The following COL19A1 variants were observed in gnomAD, a reference collection of about 807,000 sequenced individuals.
COL19A1 encodes collagen type XIX alpha 1 chain.
In COL19A1, 159 loss-of-function variants were observed where a neutral mutation model predicts 190.2. The ratio of observed to expected loss-of-function variants is 0.84; its 90% confidence interval spans 0.73 to 0.95. COL19A1 has a LOEUF of 0.95. Among genes scored for constraint, COL19A1 ranks in the 40% least tolerant of loss-of-function variants. The pLI, the probability that COL19A1 is intolerant of heterozygous loss-of-function variation, is 0.00. For synonymous variants in COL19A1, 509 were observed against 458.9 expected, an observed-to-expected ratio of 1.11 and a Z score of -1.39; for missense variants, 1,418 against 1,431.9, an observed-to-expected ratio of 0.99 and a Z score of 0.16.
intron 15 of COL19A1, among the ~76,000 whole-genome samples, chr6:70,078,578 G>T (rs1782034368): frequency 6.6e-6 from 1 of 152,040 alleles, no homozygotes; most frequent in African/African-American, 2.4e-5. Flanking sequence ...GTAGACTAAG[G>T]TAACCCTCCA....
intron 15 of COL19A1, among the ~76,000 whole-genome samples, chr6:70,099,793 C>A (rs1783512134): frequency 1.3e-5 from 2 of 152,164 alleles, no homozygotes; most frequent in South Asian, 2.1e-4. Flanking sequence ...ACTTAGCAAC[C>A]CCCAAAAATA....
intron 7 of COL19A1, among the ~76,000 whole-genome samples, chr6:69,935,063 T>C (rs1359943240): frequency 2.0e-5 from 3 of 152,036 alleles, no homozygotes; most frequent in Admixed American, 6.6e-5. Flanking sequence ...ATAAAGATGC[T>C]TCTTTGTTTC....
intron 14 of COL19A1, among the ~76,000 whole-genome samples, chr6:70,052,357 T>A (rs1780253594): frequency 6.6e-6 from 1 of 152,126 alleles, no homozygotes; most frequent in Non-Finnish European, 1.5e-5. Flanking sequence ...ACTCACAAGA[T>A]AAATAGAAAT....
At chr6:69,992,489 A>C (rs570120931) in intron 11 of COL19A1, among the ~76,000 whole-genome samples, 65 of 152,292 alleles carry the variant, frequency 4.3e-4, no homozygotes, top group African/African-American at 1.5e-3. Flanking sequence ...AAAAGAAAAA[A>C]AAATGTTGTT....
At chr6:69,880,084 A>G (rs1029980128) in intron 2 of COL19A1, among the ~76,000 whole-genome samples, 1 of 152,260 alleles carries the variant, frequency 6.6e-6, no homozygotes, top group African/African-American at 2.4e-5. Flanking sequence ...AAGGAAATGT[A>G]GTTTAATTAT....
chr6:70,192,273 A>C (rs1422112166), intron 48 of COL19A1, among the ~76,000 whole-genome samples: 1 of 152,064 alleles, frequency 6.6e-6, no homozygotes, highest in Admixed American at 6.6e-5. Context: ...GTTGGCAAAA[A>C]ATGTTTTTTT....
intron 17 of COL19A1, among the ~76,000 whole-genome samples, chr6:70,129,833 G>C (rs138197428): frequency 7.3e-4 from 111 of 152,372 alleles, no homozygotes; most frequent in Admixed American, 2.2e-3. Flanking sequence ...AGAATAGGGA[G>C]AGCAGATCAG....
At chr6:69,913,296 G>GTATT (rs1771083907) in intron 4 of COL19A1, among the ~76,000 whole-genome samples, 1 of 152,016 alleles carries the variant, frequency 6.6e-6, no homozygotes, top group South Asian at 2.1e-4. Flanking sequence ...TACTAACAAA[G>GTATT]TATTTCATTC....
chr6:70,162,318 G>GA (rs3840405), intron 35 of COL19A1, among the ~76,000 whole-genome samples: 99,303 of 151,644 alleles, frequency 0.65, 32,860 homozygotes, highest in African/African-American at 0.73. Flanking sequence ...TTTTCTAAAG[G>GA]AAAAAAAAGT....
chr6:69,942,325 G>A (rs1183282485), intron 9 of COL19A1, among the ~76,000 whole-genome samples: 2 of 152,016 alleles, frequency 1.3e-5, no homozygotes, highest in Non-Finnish European at 2.9e-5. Flanking sequence ...ATCAAATTGG[G>A]ATAATTAACA....
intron 17 of COL19A1, among the ~76,000 whole-genome samples, 191 bp from the exon 18 acceptor site, chr6:70,129,991 A>G (rs1382261976): frequency 6.6e-6 from 1 of 152,230 alleles, no homozygotes; most frequent in East Asian, 1.9e-4. Flanking sequence ...CAAAGCTGGA[A>G]TTATTTAGAA....
chr6:69,899,504 A>G (rs1326761452), intron 3 of COL19A1, among the ~76,000 whole-genome samples: 5 of 152,264 alleles, frequency 3.3e-5, no homozygotes, highest in Admixed American at 6.5e-5. Flanking sequence ...GCAGGGTTCT[A>G]TATGTTTAAT....
chr6:70,070,923 C>A (rs933579897), intron 15 of COL19A1, among the ~76,000 whole-genome samples: 6 of 152,048 alleles, frequency 3.9e-5, no homozygotes, highest in African/African-American at 1.4e-4. Flanking sequence ...TTAAAAACCT[C>A]TTGTATTTTA....
chr6:69,879,793 T>C (rs1768392808), intron 2 of COL19A1, 135 bp downstream of exon 2: 5 of 793,596 alleles, frequency 6.3e-6, no homozygotes, highest in Non-Finnish European at 1.0e-5. Flanking sequence ...CATTGCTTTC[T>C]TCCATTGATC....
At chr6:69,991,011 TGATA>T (rs983402142) in intron 11 of COL19A1, among the ~76,000 whole-genome samples, 1 of 152,030 alleles carries the variant, frequency 6.6e-6, no homozygotes, top group African/African-American at 2.4e-5. Context: ...GCCTAATACC[TGATA>T]GATAGTTTTG....
chr6:69,907,671 C>T (rs1430545946), intron 4 of COL19A1, among the ~76,000 whole-genome samples: 3 of 152,116 alleles, frequency 2.0e-5, no homozygotes, highest in Admixed American at 6.6e-5. Context: ...TAACTTAAAA[C>T]TTGTGCAGTT....
chr6:70,153,960 A>G (rs1163237953), intron 31 of COL19A1, among the ~76,000 whole-genome samples: 1 of 152,016 alleles, frequency 6.6e-6, no homozygotes, highest in Non-Finnish European at 1.5e-5. Flanking sequence ...TTTTTCACCC[A>G]GCATTTTTTT....
At chr6:69,929,323 G>A in intron 5 of COL19A1, 102 bp from the exon 6 acceptor site, 1 of 1,085,388 alleles carries the variant, frequency 9.2e-7, no homozygotes, top group Non-Finnish European at 1.3e-6. Context: ...TTTACTAAGT[G>A]CCTCAGTTAT....
intron 19 of COL19A1, among the ~76,000 whole-genome samples, chr6:70,138,910 C>T (rs1489284690): frequency 1.3e-5 from 2 of 152,058 alleles, no homozygotes; most frequent in African/African-American, 4.8e-5. Flanking sequence ...GTGCATGCCC[C>T]TGGTACCTGC....
Sources: allele counts gnomAD v4.1 joint callset (sites outside exome capture counted in the v4.1 genomes callset), GRCh38; gene constraint gnomAD v4.1.1; transcripts MANE v1.5; gene names NCBI Gene and HGNC (gene_info 2026-07-23, HGNC 2026-07-21).